The following PLD5 variants were observed in gnomAD, a reference collection of about 807,000 sequenced individuals.
The protein encoded by PLD5 is phospholipase D family member 5, also known as inactive phospholipase D5.
In PLD5, 36 loss-of-function variants were observed where a neutral mutation model predicts 61.1. That is an observed-to-expected ratio of 0.59 (90% CI 0.45 to 0.78). The LOEUF (loss-of-function observed/expected upper bound fraction) is 0.78. Among genes scored for constraint, PLD5 ranks in the 30% least tolerant of loss-of-function variants. The probability of loss-of-function intolerance (pLI) is 0.00; values close to 1 mark genes in which losing one functional copy is unlikely to be tolerated. For synonymous variants in PLD5, 243 were observed against 242.8 expected (o/e 1.00, Z -0.01); for missense variants, 515 against 644.4 (o/e 0.80, Z 2.17).
At chr1:242,121,880 G>C (rs1399813886) in intron 6 of PLD5, among the ~76,000 whole-genome samples, 1 of 138,854 alleles carries the variant, frequency 7.2e-6, no homozygotes, top group East Asian at 2.2e-4. Flanking sequence ...TCATAGGTGG[G>C]AACTGAACAA....
intron 1 of PLD5, among the ~76,000 whole-genome samples, chr1:242,389,633 C>T (rs972134211): frequency 1.3e-5 from 2 of 151,848 alleles, no homozygotes; most frequent in Non-Finnish European, 2.9e-5. Context: ...AAATATGCCA[C>T]TTAGAATTCC....
At chr1:242,135,766 A>C (rs1663668150) in intron 5 of PLD5, among the ~76,000 whole-genome samples, 1 of 152,058 alleles carries the variant, frequency 6.6e-6, no homozygotes, top group East Asian at 1.9e-4. Flanking sequence ...TTTGAGATCC[A>C]CCCTCTCACT....
Position 242,124,091 on chromosome 1 carries a change from T to C in PLD5, c.933+377A>G, listed in dbSNP as rs184694604. The stretch of plus-strand genomic sequence containing the variant: ...TCAATGTAGGGCATTGAAAACAGGC[T>C]AACAGGCTCTGGTGTCAGAAGAGCT... On this transcript the variant is annotated intron_variant, in intron 6 of 9. Transcript: ENST00000536534. 3.5e-4 allele frequency among the ~76,000 whole-genome samples: 53 copies of C among 152,302 alleles called. No individual in the cohort carries two copies. In the East Asian group the frequency reaches 0.01, roughly 29 times the overall value.
At position 242,141,864 on chromosome 1, in the gene PLD5, G is replaced by T. The variant is rs531186806; in HGVS notation, c.736-17199C>A. The stretch of plus-strand genomic sequence containing the variant: ...ATATGTAGTTTACAGAAATCCACCT[G>T]CTGCCTCTGACATTTTGTGAGTTCC... On this transcript the variant is annotated intron_variant, in intron 5 of 9. Coordinates refer to ENST00000536534, the MANE Select transcript of PLD5 (RefSeq NM_001372062.1). Among the ~76,000 whole-genome samples the T allele has an allele frequency of 5.9e-5, 9 of 152,318 alleles. No individual in the cohort carries two copies. In the South Asian group the frequency reaches 1.9e-3, roughly 32 times the overall value.
At chr1:242,361,534 T>C (rs1419224129) in intron 1 of PLD5, among the ~76,000 whole-genome samples, 1 of 152,108 alleles carries the variant, frequency 6.6e-6, no homozygotes, top group Non-Finnish European at 1.5e-5. Context: ...TTAAGGAGAA[T>C]CCATAAACAA....
chr1:242,434,430 T>C (rs528304186), intron 1 of PLD5, among the ~76,000 whole-genome samples: 1 of 152,260 alleles, frequency 6.6e-6, no homozygotes, highest in South Asian at 2.1e-4. Flanking sequence ...GGGTTTGATA[T>C]GCCTAGCAGA....
intron 1 of PLD5, among the ~76,000 whole-genome samples, chr1:242,384,614 C>G (rs1662492323): frequency 6.6e-6 from 1 of 152,162 alleles, no homozygotes; most frequent in Admixed American, 6.5e-5. Context: ...AGCATGGTCT[C>G]CAGGATTTCT....
At chr1:242,194,661 TCTATCTAC>T (rs1359703509) in intron 5 of PLD5, among the ~76,000 whole-genome samples, 1 of 148,158 alleles carries the variant, frequency 6.7e-6, no homozygotes, top group African/African-American at 2.5e-5. Flanking sequence ...TATCTATCTA[TCTATCTAC>T]CTATCTATGA....
chr1:242,298,427 G>A (rs1675840963), intron 2 of PLD5, among the ~76,000 whole-genome samples: 1 of 152,236 alleles, frequency 6.6e-6, no homozygotes, highest in South Asian at 2.1e-4. Context: ...TAGTTTGAGA[G>A]ATGAAGAGAG....
intron 4 of PLD5, among the ~76,000 whole-genome samples, chr1:242,224,878 T>C (rs544904696): frequency 7.9e-5 from 12 of 152,328 alleles, no homozygotes; most frequent in African/African-American, 2.9e-4. Flanking sequence ...TTTGAGCATA[T>C]AAGGGTTTTG....
At chr1:242,126,084 G>T (rs887960748) in intron 5 of PLD5, among the ~76,000 whole-genome samples, 3 of 152,160 alleles carry the variant, frequency 2.0e-5, no homozygotes, top group Non-Finnish European at 4.4e-5. Flanking sequence ...AGCAGGTAGG[G>T]CATATCAGGC....
chr1:242,186,108 G>A (rs1379006471), intron 5 of PLD5, among the ~76,000 whole-genome samples: 2 of 151,820 alleles, frequency 1.3e-5, no homozygotes, highest in Non-Finnish European at 2.9e-5. Flanking sequence ...TTAATATATT[G>A]GTTGCTCATA....
intron 1 of PLD5, among the ~76,000 whole-genome samples, chr1:242,386,225 C>T (rs1662593691): frequency 6.6e-6 from 1 of 152,166 alleles, no homozygotes; most frequent in Admixed American, 6.6e-5. Context: ...AGGTCTCATT[C>T]TGAGGTACTT....
At chr1:242,176,001 C>T (rs984227156) in intron 5 of PLD5, among the ~76,000 whole-genome samples, 1 of 152,124 alleles carries the variant, frequency 6.6e-6, no homozygotes, top group Non-Finnish European at 1.5e-5. Context: ...ATGAAAATGG[C>T]CATACTGCCC....
chr1:242,489,413 C>CAG (rs369571585), intron 1 of PLD5, among the ~76,000 whole-genome samples: 7 of 147,998 alleles, frequency 4.7e-5, no homozygotes, highest in Admixed American at 2.7e-4. Flanking sequence ...ATGCTGCAAC[C>CAG]AGAGAGAGAG....
At chr1:242,138,377 G>T (rs1663906882) in intron 5 of PLD5, among the ~76,000 whole-genome samples, 1 of 152,020 alleles carries the variant, frequency 6.6e-6, no homozygotes, top group Non-Finnish European at 1.5e-5. Flanking sequence ...AAGCAGCTTA[G>T]GGGAAATAGC....
chr1:242,330,996 T>A (rs1659134979), intron 2 of PLD5, among the ~76,000 whole-genome samples: 1 of 152,174 alleles, frequency 6.6e-6, no homozygotes, highest in Non-Finnish European at 1.5e-5. Flanking sequence ...AACCACTTCC[T>A]TCTTCTTTTT....
chr1:242,103,455 C>G (rs1171610928), intron 8 of PLD5, among the ~76,000 whole-genome samples: 3 of 152,202 alleles, frequency 2.0e-5, no homozygotes, highest in Non-Finnish European at 4.4e-5. Context: ...GTCATGTGAG[C>G]CATTGGTGAA....
chr1:242,108,747 G>C (rs918686648), intron 7 of PLD5, among the ~76,000 whole-genome samples: 10 of 152,188 alleles, frequency 6.6e-5, no homozygotes, highest in African/African-American at 2.2e-4. Flanking sequence ...GGCCAATTCA[G>C]TATTTGAACT....
Sources: gnomAD v4.1 joint callset for allele counts (sites outside exome capture counted in the v4.1 genomes callset) on GRCh38, gnomAD v4.1.1 for gene constraint, MANE v1.5 for transcripts, NCBI Gene and HGNC (gene_info 2026-07-23, HGNC 2026-07-21) for gene names.